The following LPAR1 variants were observed in gnomAD, a reference collection of about 807,000 sequenced individuals.
LPAR1 encodes the protein LPA receptor 1.
A neutral mutation model predicts 23.8 loss-of-function variants in LPAR1; 5 were observed. The ratio of observed to expected loss-of-function variants is 0.21; its 90% CI spans 0.11 to 0.44. The LOEUF is 0.44. LPAR1 is among the 20% of genes least tolerant of loss of function. The pLI, the probability that LPAR1 is intolerant of heterozygous loss-of-function variation, is 0.99. For missense variants in LPAR1, 311 were observed against 482.8 expected, an observed-to-expected ratio of 0.64 and a Z score of 3.33; for synonymous variants, 160 against 164.7, an observed-to-expected ratio of 0.97 and a Z score of 0.22.
chr9:110,975,419 A>G (rs1188614504), intron 2 of LPAR1, among the ~76,000 whole-genome samples: 1 of 152,216 alleles, frequency 6.6e-6, no homozygotes, highest in Non-Finnish European at 1.5e-5. Context: ...GATACTATTC[A>G]GTTATTTTAC....
intron 5 of LPAR1, among the ~76,000 whole-genome samples, chr9:110,896,085 G>A (rs746912165): frequency 9.9e-5 from 15 of 152,176 alleles, no homozygotes; most frequent in African/African-American, 1.2e-4. Context: ...TAAAGTGCTC[G>A]CTTCCAGTTT....
intron 2 of LPAR1, among the ~76,000 whole-genome samples, chr9:111,024,206 T>A (rs1229144768): frequency 2.0e-5 from 3 of 151,946 alleles, no homozygotes; most frequent in African/African-American, 7.2e-5. Context: ...ATGCAGAAGA[T>A]GCAACTGGCC....
intron 5 of LPAR1, among the ~76,000 whole-genome samples, chr9:110,882,953 G>A (rs1057402178): frequency 6.6e-6 from 1 of 152,152 alleles, no homozygotes; most frequent in Admixed American, 6.5e-5. Context: ...TAAGTAAAAG[G>A]TAAGAAGAGG....
At chr9:110,879,417 CAAAAAAA>C (rs71371692) in intron 5 of LPAR1, among the ~76,000 whole-genome samples, 8 of 47,180 alleles carry the variant, frequency 1.7e-4, no homozygotes, top group East Asian at 8.4e-4. Flanking sequence ...GACTCCATCT[CAAAAAAA>C]AAAAAAAAAA....
rs73655675 is a variant in LPAR1, at chr9:110,913,601, G to A, written c.793+27820C>T. Among the ~76,000 whole-genome samples, 573 of 152,174 alleles carry A rather than the reference G, an allele frequency of 3.8e-3. 2 individuals carry two copies. Among genetic ancestry groups the A allele is most frequent in the African/African-American group, 0.013 (527 of 41,510 alleles). ...TTAGCTTTAGATATTACAAAACTAT[G>A]TAATAATCAGAGTAGACCAGCAGAT... On this transcript the variant is annotated intron_variant, in intron 5 of 5. Coordinates refer to ENST00000683809, the MANE Select transcript of LPAR1 (RefSeq NM_001351411.2).
intron 2 of LPAR1, among the ~76,000 whole-genome samples, chr9:111,028,383 A>C (rs551485810): frequency 6.6e-6 from 1 of 152,274 alleles, no homozygotes; most frequent in African/African-American, 2.4e-5. Flanking sequence ...ATGCCTAGCA[A>C]GAAAGTCAAT....
In LPAR1 at chr9:110,875,726, C is replaced by G; in HGVS notation, c.794-4G>C. The G allele has an allele frequency of 2.6e-6, 4 of 1,560,594 alleles. No homozygotes were observed. The highest frequency in any genetic ancestry group is 3.5e-6 in the Non-Finnish European group (4 of 1,146,806). ...GTCCAGCAGATGATAAAGGCCCCTA[C>G]AAGGACAAGGATAGGGATCAGAAGG... On this transcript the variant is annotated splice_region_variant and splice_polypyrimidine_tract_variant and intron_variant, in intron 5 of 5. Coordinates refer to ENST00000683809, the MANE Select transcript of LPAR1 (RefSeq NM_001351411.2).
At chr9:110,981,175 A>G (rs1279707562) in intron 2 of LPAR1, among the ~76,000 whole-genome samples, 1 of 152,108 alleles carries the variant, frequency 6.6e-6, no homozygotes, top group East Asian at 1.9e-4. Flanking sequence ...TATAACTTTT[A>G]ACAGTTTGGT....
At chr9:110,905,517 TTTA>T (rs1283701015) in intron 5 of LPAR1, among the ~76,000 whole-genome samples, 16 of 151,704 alleles carry the variant, frequency 1.1e-4, no homozygotes, top group Admixed American at 9.8e-4. Context: ...CAGCTAATTT[TTTA>T]TTATTATTAT....
At chr9:110,939,689 A>G (rs1034341074) in intron 5 of LPAR1, among the ~76,000 whole-genome samples, 6 of 152,240 alleles carry the variant, frequency 3.9e-5, no homozygotes, top group African/African-American at 1.4e-4. Flanking sequence ...CATTCAGTAC[A>G]TTGCACACTG....
chr9:110,998,058 G>A (rs533586148), intron 2 of LPAR1, among the ~76,000 whole-genome samples: 1 of 152,290 alleles, frequency 6.6e-6, no homozygotes, highest in Admixed American at 6.5e-5. Context: ...TGATTCAGTA[G>A]GTCTGGGGTG....
intron 2 of LPAR1, among the ~76,000 whole-genome samples, chr9:111,015,387 G>A (rs950760203): frequency 1.3e-5 from 2 of 151,916 alleles, no homozygotes; most frequent in East Asian, 1.9e-4. Context: ...AATGTCTTTC[G>A]TATCTACCTT....
chr9:110,988,419 G>A (rs1200715136), intron 2 of LPAR1, among the ~76,000 whole-genome samples: 2 of 151,932 alleles, frequency 1.3e-5, no homozygotes, highest in African/African-American at 4.8e-5. Context: ...CAAATCATAA[G>A]GGACTTGTAT....
intron 5 of LPAR1, among the ~76,000 whole-genome samples, chr9:110,914,567 A>G (rs1479082420): frequency 1.3e-5 from 2 of 152,246 alleles, no homozygotes; most frequent in Non-Finnish European, 2.9e-5. Flanking sequence ...GTGGGGACCC[A>G]GCCAAACTAT....
rs2096445695 is a variant in LPAR1, at chr9:110,972,179, T to C, written c.-62A>G. The C allele has an allele frequency of 6.8e-7, 1 of 1,479,518 alleles. No individual in the cohort carries two copies. The highest frequency in any genetic ancestry group is 1.7e-5 in the Admixed American group (1 of 59,676). 91.6% of individuals were successfully genotyped at this position (1,479,518 alleles called of 1,614,324 possible). A position where few individuals can be genotyped will look rare whatever the true frequency, so the allele number is the denominator to read the frequency against. ...GAACTACGGGAGACAAATTTTCTTG[T>C]TTGCTGATCAGATCGAAGTCATGCT... On this transcript the variant is annotated 5_prime_UTR_variant, in exon 4 of 6. Transcript: ENST00000683809.
intron 2 of LPAR1, among the ~76,000 whole-genome samples, chr9:111,012,492 C>T (rs76248061): frequency 6.9e-6 from 1 of 144,088 alleles, no homozygotes; most frequent in African/African-American, 2.5e-5. Flanking sequence ...CACACACACA[C>T]ACATACACAC....
At chr9:111,015,895 G>A (rs1190588491) in intron 2 of LPAR1, among the ~76,000 whole-genome samples, 2 of 151,360 alleles carry the variant, frequency 1.3e-5, no homozygotes, top group Non-Finnish European at 2.9e-5. Flanking sequence ...CCTTCCCATG[G>A]TTCCCCATTG....
rs535706332 is a variant in LPAR1, at chr9:110,878,570, G to A, written c.794-2848C>T. On this transcript the variant is annotated intron_variant, in intron 5 of 5. Transcript: ENST00000683809. ...GGACCCCATCAACATGTAATCTACA[G>A]AGAGTTCAGCGTACACCTGAAAGGT... Among the ~76,000 whole-genome samples, 49 of 152,308 alleles carry A rather than the reference G, an allele frequency of 3.2e-4. No individual in the cohort carries two copies. The South Asian group carries it at 9.5e-3, about 30-fold the overall frequency.
intron 5 of LPAR1, among the ~76,000 whole-genome samples, chr9:110,931,905 T>A (rs1301972566): frequency 1.3e-5 from 2 of 152,334 alleles, no homozygotes; most frequent in African/African-American, 4.8e-5. Flanking sequence ...ACCAGTACCA[T>A]GCTGTTTTGG....
Sources: allele counts gnomAD v4.1 joint callset (sites outside exome capture counted in the v4.1 genomes callset), GRCh38; gene constraint gnomAD v4.1.1; transcripts MANE v1.5; gene names NCBI Gene and HGNC (gene_info 2026-07-23, HGNC 2026-07-21).